Variants in ARHGAP10 observed in about 807,000 individuals in gnomAD.
ARHGAP10 encodes rho GTPase-activating protein 10.
Under a neutral mutation model 108.6 loss-of-function variants are expected in ARHGAP10, and 87 were observed. The observed-to-expected ratio is 0.80, with a 90% CI of 0.67 to 0.96. The LOEUF is 0.96. Among genes scored for constraint, ARHGAP10 ranks in the 40% least tolerant of loss-of-function variants. The pLI, the probability that ARHGAP10 is intolerant of heterozygous loss-of-function variation, is 0.00. For synonymous variants in ARHGAP10, 347 were observed against 341.1 expected (o/e 1.02, Z -0.19); for missense variants, 939 against 954.5 (o/e 0.98, Z 0.21).
intron 14 of ARHGAP10, among the ~76,000 whole-genome samples, chr4:147,942,163 T>C (rs534058699): frequency 2.6e-5 from 4 of 152,346 alleles, no homozygotes; most frequent in African/African-American, 9.6e-5. Flanking sequence ...TTTATTATTA[T>C]TCCTGCAGGT....
chr4:147,764,584 A>G (rs1229163079), intron 1 of ARHGAP10, among the ~76,000 whole-genome samples: 1 of 152,054 alleles, frequency 6.6e-6, no homozygotes, highest in African/African-American at 2.4e-5. Context: ...CCAAGGGTGG[A>G]GTGCAGTGGC....
intron 1 of ARHGAP10, among the ~76,000 whole-genome samples, chr4:147,783,197 AT>A (rs1237438546): frequency 6.9e-6 from 1 of 144,612 alleles, no homozygotes; most frequent in Non-Finnish European, 1.5e-5. Context: ...ATATTGTATA[AT>A]TTATATAACA....
chr4:148,064,432 G>A lies in ARHGAP10; in HGVS notation c.2197G>A (p.Ala733Thr). The change falls in exon 22 of 23, where the codon GCT becomes ACT. Residue 733 changes from alanine to threonine, a missense_variant. Ala to Thr is a moderately conservative substitution (Grantham distance 58). Coordinates refer to ENST00000336498, the MANE Select transcript of ARHGAP10 (RefSeq NM_024605.4). Reference sequence around the variant, plus strand: ...TCTTTTCAGCATCCGCAGTCGGAAGGCTCGAGCCGTGTATCCGTGTGAAGC... The same window carrying A: ...TCTTTTCAGCATCCGCAGTCGGAAGACTCGAGCCGTGTATCCGTGTGAAGC... ...KPPESIRSRK[A>T]RAVYPCEAEH... 6.2e-7 allele frequency: 1 copy of A among 1,613,972 alleles called. No individual in the cohort carries two copies. The highest frequency in any genetic ancestry group is 8.5e-7 in the Non-Finnish European group (1 of 1,179,970).
At chr4:147,882,857 G>T (rs374486541) in intron 10 of ARHGAP10, among the ~76,000 whole-genome samples, 1 of 152,172 alleles carries the variant, frequency 6.6e-6, no homozygotes, top group East Asian at 1.9e-4. Context: ...AGTGTTCATA[G>T]AATATTTGCT....
chr4:147,994,749 G>A lies in ARHGAP10; in HGVS notation c.1716+27910G>A, dbSNP rs1193828670. ...CTGTCTTTCTCTGCCCCAGCAATAC[G>A]TAAAAGTTGAAACATTCTCCTAGGA... On this transcript the variant is annotated intron_variant, in intron 18 of 22. Coordinates refer to ENST00000336498, the MANE Select transcript of ARHGAP10 (RefSeq NM_024605.4). Among the ~76,000 whole-genome samples the A allele has an allele frequency of 1.3e-5, 2 of 152,272 alleles. 1 individual carries two copies. Among genetic ancestry groups the A allele is most frequent in the South Asian group, 4.1e-4 (2 of 4,826 alleles).
chr4:148,011,593 T>A (rs137889920), intron 18 of ARHGAP10, among the ~76,000 whole-genome samples: 26 of 152,358 alleles, frequency 1.7e-4, no homozygotes, highest in Middle Eastern at 3.4e-3. Flanking sequence ...TATAGTTCAC[T>A]TTCACATCAG....
chr4:147,862,770 C>G (rs1374729033), intron 5 of ARHGAP10: 1 of 152,194 alleles, frequency 6.6e-6, no homozygotes, highest in African/African-American at 2.4e-5. Context: ...AAATCTGATG[C>G]TGGTATAAAT....
intron 14 of ARHGAP10, 136 bp from the exon 15 acceptor site, chr4:147,946,481 C>CAT (rs1738383143): frequency 1.6e-6 from 1 of 621,024 alleles, no homozygotes; most frequent in Admixed American, 3.3e-5. Flanking sequence ...TTAGAGAAAT[C>CAT]ATATATATAA....
rs182788722 is a variant in ARHGAP10 at position 147,938,022 on chromosome 4, A to G, written c.1229-1803A>G. Among the ~76,000 whole-genome samples, 6 of 152,332 alleles carry G rather than the reference A, an allele frequency of 3.9e-5. No homozygotes were observed. The East Asian group carries it at 5.8e-4, about 15-fold the overall frequency. The stretch of plus-strand genomic sequence containing the variant: ...GGTACATAAAGTACCACGGACTACT[A>G]TGCAGCCCTAAAAAGGAACGAGGAT... On this transcript the variant is annotated intron_variant, in intron 13 of 22. Coordinates refer to ENST00000336498, the MANE Select transcript of ARHGAP10 (RefSeq NM_024605.4).
chr4:147,866,586 C>G, intron 6 of ARHGAP10, 126 bp from the exon 7 acceptor site: 1 of 634,646 alleles, frequency 1.6e-6, no homozygotes, highest in African/African-American at 1.8e-5. Context: ...TTAGTGACTT[C>G]CCTTTAATCA....
intron 1 of ARHGAP10, among the ~76,000 whole-genome samples, chr4:147,775,797 T>A (rs1319608105): frequency 6.6e-6 from 1 of 152,182 alleles, no homozygotes; most frequent in Non-Finnish European, 1.5e-5. Context: ...ATGCAGCACA[T>A]CTGGATAGTG....
intron 16 of ARHGAP10, among the ~76,000 whole-genome samples, chr4:147,956,090 A>G (rs941714655): frequency 2.0e-5 from 3 of 152,184 alleles, no homozygotes; most frequent in Non-Finnish European, 4.4e-5. Flanking sequence ...AGGTTGAGAC[A>G]TGTTAAGTAA....
chr4:147,911,934 T>G (rs1413439655), intron 12 of ARHGAP10, among the ~76,000 whole-genome samples: 2 of 41,484 alleles, frequency 4.8e-5, no homozygotes, highest in African/African-American at 1.0e-4. Context: ...TTTTTCCTCC[T>G]AGGTTTTTTT....
intron 9 of ARHGAP10, among the ~76,000 whole-genome samples, chr4:147,879,716 C>T (rs1454812251): frequency 6.6e-6 from 1 of 152,088 alleles, no homozygotes; most frequent in African/African-American, 2.4e-5. Flanking sequence ...CCTCACAGAC[C>T]CCAGTGTGTG....
intron 10 of ARHGAP10, among the ~76,000 whole-genome samples, chr4:147,887,560 T>A (rs1158875665): frequency 6.6e-6 from 1 of 152,126 alleles, no homozygotes; most frequent in Admixed American, 6.6e-5. Flanking sequence ...ATCATATTTA[T>A]GGTCTCACAT....
At chr4:148,051,058 C>T (rs1729113954) in intron 20 of ARHGAP10, among the ~76,000 whole-genome samples, 1 of 152,214 alleles carries the variant, frequency 6.6e-6, no homozygotes, top group Non-Finnish European at 1.5e-5. Flanking sequence ...CACTGGGAAG[C>T]AGTTTGCAGA....
At position 147,866,705 on chromosome 4, in the gene ARHGAP10, G is replaced by T. The variant is rs757068320; in HGVS notation, c.598-7G>T. ...GTGCTAATATCTCTTTTCTTCCTGT[G>T]TCTTAGATGCTGTCATTTTTTCAGG... On this transcript the variant is annotated splice_region_variant and splice_polypyrimidine_tract_variant and intron_variant, in intron 6 of 22. Transcript: ENST00000336498. 1 of 1,607,244 alleles carries T rather than the reference G, an allele frequency of 6.2e-7. No individual in the cohort carries two copies. The highest frequency in any genetic ancestry group is 1.1e-5 in the South Asian group (1 of 90,352).
intron 14 of ARHGAP10, among the ~76,000 whole-genome samples, chr4:147,944,297 A>G (rs1402493318): frequency 6.6e-6 from 1 of 152,210 alleles, no homozygotes; most frequent in Non-Finnish European, 1.5e-5. Flanking sequence ...TGAGTTCAGA[A>G]TTGTAGGAAC....
chr4:148,011,674 T>C (rs1038437147), intron 18 of ARHGAP10, among the ~76,000 whole-genome samples: 4 of 152,228 alleles, frequency 2.6e-5, no homozygotes. Context: ...ACTCCACCTC[T>C]TGACGGAAAG....
Sources: allele counts gnomAD v4.1 joint callset (sites outside exome capture counted in the v4.1 genomes callset), GRCh38; gene constraint gnomAD v4.1.1; transcripts MANE v1.5; gene names NCBI Gene and HGNC (gene_info 2026-07-23, HGNC 2026-07-21).